Variants in GLCE observed in about 807,000 individuals in gnomAD.
The protein encoded by GLCE is D-glucuronyl C5-epimerase.
Under a neutral mutation model 47.9 loss-of-function variants are expected in GLCE, and 19 were observed. The observed-to-expected ratio is 0.40, with a 90% CI of 0.28 to 0.58. The LOEUF (loss-of-function observed/expected upper bound fraction) is 0.58. Among genes scored for constraint, GLCE ranks in the 20% least tolerant of loss-of-function variants. The probability of loss-of-function intolerance (pLI) is 0.48; values close to 1 mark genes in which losing one functional copy is unlikely to be tolerated. For synonymous variants in GLCE, 245 were observed against 263.4 expected (o/e 0.93, Z 0.68); for missense variants, 556 against 743.3 (o/e 0.75, Z 2.93).
chr15:69,166,685 C>T lies in GLCE; in HGVS notation c.-105+5928C>T, dbSNP rs149245580. Among the ~76,000 whole-genome samples the T allele has an allele frequency of 1.1e-3, 172 of 151,450 alleles. 2 individuals are homozygous for T. The East Asian group carries it at 0.02, about 17-fold the overall frequency. On this transcript the variant is annotated intron_variant, in intron 1 of 4. Transcript: ENST00000261858. ...CTCTAATCCCAGCACTTTGGGAGGC[C>T]GAGGCGGGCGGATTACCTGAAGTCA...
intron 2 of GLCE, among the ~76,000 whole-genome samples, chr15:69,255,168 C>G (rs1366597062): frequency 6.6e-6 from 1 of 152,178 alleles, no homozygotes; most frequent in African/African-American, 2.4e-5. Context: ...AAAAGGTCTA[C>G]TGTGTTTTTT....
intron 1 of GLCE, among the ~76,000 whole-genome samples, chr15:69,202,214 C>A (rs1339525078): frequency 1.3e-5 from 2 of 151,934 alleles, no homozygotes; most frequent in African/African-American, 4.8e-5. Context: ...ACCACGGTTC[C>A]CAGCCTTGCT....
rs369734315 is a variant in GLCE, at chr15:69,256,055, A to C, written c.249A>C (p.Lys83Asn). The change falls in exon 3 of 5, where the codon AAA becomes AAC. Residue 83 changes from lysine to asparagine, a missense_variant. Lys to Asn is a moderately conservative substitution (Grantham distance 94). This residue lies in a region of GLCE where 237 missense variants were observed against 310.9 expected (regional missense o/e 0.76). Coordinates refer to ENST00000261858, the MANE Select transcript of GLCE (RefSeq NM_015554.3). The part of the protein sequence containing the change: ...SEEAFPQEQQ[K>N]APPVVGGFNS... ...AAGCATTCCCTCAGGAACAGCAGAAAGCACCCCCTGTTGTTGGGGGCTTCA... is the reference window on the plus strand; with the variant it reads ...AAGCATTCCCTCAGGAACAGCAGAACGCACCCCCTGTTGTTGGGGGCTTCA... 1.2e-5 allele frequency: 19 copies of C among 1,613,998 alleles called. No homozygotes were observed. In the African/African-American group the frequency reaches 2.4e-4, roughly 20 times the overall value.
At chr15:69,264,396 GCA>G (rs150224477) in intron 4 of GLCE, among the ~76,000 whole-genome samples, 53 of 150,694 alleles carry the variant, frequency 3.5e-4, no homozygotes, top group Admixed American at 1.4e-3. Context: ...GTGTGCACGT[GCA>G]CACACACACA....
At chr15:69,241,623 A>G (rs1282967411) in intron 2 of GLCE, among the ~76,000 whole-genome samples, 1 of 152,204 alleles carries the variant, frequency 6.6e-6, no homozygotes, top group Non-Finnish European at 1.5e-5. Flanking sequence ...TTCCACTTGC[A>G]CATAGTACCT....
At chr15:69,207,291 G>C (rs1861220527) in intron 1 of GLCE, among the ~76,000 whole-genome samples, 1 of 152,022 alleles carries the variant, frequency 6.6e-6, no homozygotes. Context: ...TTCAGTCTTT[G>C]TGATGTGCGG....
chr15:69,193,088 C>T (rs952351851), intron 1 of GLCE, among the ~76,000 whole-genome samples: 1 of 151,756 alleles, frequency 6.6e-6, no homozygotes, highest in Non-Finnish European at 1.5e-5. Context: ...CCCTCCCCCT[C>T]CCCCTGAATT....
chr15:69,242,926 G>A (rs1456478896), intron 2 of GLCE, among the ~76,000 whole-genome samples: 2 of 151,826 alleles, frequency 1.3e-5, no homozygotes, highest in Non-Finnish European at 1.5e-5. Flanking sequence ...GCATGATGGT[G>A]TGCACCTGTA....
At chr15:69,182,199 A>G (rs189299332) in intron 1 of GLCE, among the ~76,000 whole-genome samples, 1 of 152,032 alleles carries the variant, frequency 6.6e-6, no homozygotes, top group Admixed American at 6.6e-5. Context: ...GTCAGTCAGC[A>G]TTAAGGAAAC....
At chr15:69,180,974 G>C (rs1207691113) in intron 1 of GLCE, among the ~76,000 whole-genome samples, 1 of 152,094 alleles carries the variant, frequency 6.6e-6, no homozygotes, top group African/African-American at 2.4e-5. Flanking sequence ...GTGATGGCTT[G>C]GACCAAAATG....
chr15:69,186,104 A>AC (rs2140346305), intron 1 of GLCE, among the ~76,000 whole-genome samples: 1 of 152,056 alleles, frequency 6.6e-6, no homozygotes, highest in South Asian at 2.1e-4. Context: ...TGGGTATGCT[A>AC]CCCCCTGGGA....
intron 2 of GLCE, among the ~76,000 whole-genome samples, chr15:69,221,636 G>A (rs979463897): frequency 6.6e-6 from 1 of 152,034 alleles, no homozygotes; most frequent in Non-Finnish European, 1.5e-5. Context: ...GCTGAGGTAG[G>A]TGGATCACCT....
chr15:69,224,680 C>T (rs921986656), intron 2 of GLCE, among the ~76,000 whole-genome samples: 2 of 152,202 alleles, frequency 1.3e-5, no homozygotes, highest in Admixed American at 1.3e-4. Context: ...GTACAAACTG[C>T]TCCAGGAGCA....
intron 1 of GLCE, among the ~76,000 whole-genome samples, chr15:69,192,045 G>C (rs1377076187): frequency 6.6e-6 from 1 of 152,274 alleles, no homozygotes; most frequent in Non-Finnish European, 1.5e-5. Context: ...GTGTGAATGT[G>C]TGTTTGTGTT....
chr15:69,186,050 G>A (rs1176974229), intron 1 of GLCE, among the ~76,000 whole-genome samples: 1 of 152,164 alleles, frequency 6.6e-6, no homozygotes, highest in Non-Finnish European at 1.5e-5. Context: ...GCGATGCATA[G>A]GGTGAAGTAT....
intron 2 of GLCE, 30 bp from the exon 3 acceptor site, chr15:69,255,764 G>T: frequency 7.6e-7 from 1 of 1,310,994 alleles, no homozygotes; most frequent in Non-Finnish European, 1.1e-6. Context: ...GTACATCTTT[G>T]CATGATTTTT....
intron 2 of GLCE, among the ~76,000 whole-genome samples, chr15:69,230,986 G>T (rs1427871520): frequency 6.6e-6 from 1 of 152,130 alleles, no homozygotes; most frequent in East Asian, 1.9e-4. Context: ...AAAAAGGCCT[G>T]TATTTCAGAT....
At chr15:69,230,989 T>C (rs1371334658) in intron 2 of GLCE, among the ~76,000 whole-genome samples, 1 of 152,178 alleles carries the variant, frequency 6.6e-6, no homozygotes, top group Non-Finnish European at 1.5e-5. Flanking sequence ...AAGGCCTGTA[T>C]TTCAGATGGA....
chr15:69,194,699 G>T (rs557411688), intron 1 of GLCE, among the ~76,000 whole-genome samples: 2 of 152,094 alleles, frequency 1.3e-5, no homozygotes, highest in South Asian at 4.1e-4. Context: ...TAGTTCAGGG[G>T]TTGTTCTAAA....
Sources: gnomAD v4.1 joint callset for allele counts (sites outside exome capture counted in the v4.1 genomes callset) on GRCh38, gnomAD v4.1.1 for gene constraint, gnomAD v4.1.1 regional missense constraint, MANE v1.5 for transcripts, NCBI Gene and HGNC (gene_info 2026-07-23, HGNC 2026-07-21) for gene names.